Variants in CYP2W1 observed in about 807,000 individuals in gnomAD.
The protein encoded by CYP2W1 is cytochrome P450 family 2 subfamily W member 1.
Under a neutral mutation model 44.9 loss-of-function variants are expected in CYP2W1, and 51 were observed. That is an observed-to-expected ratio of 1.14 (90% confidence interval 0.91 to 1.43). The LOEUF (loss-of-function observed/expected upper bound fraction) is 1.43. Ranked by LOEUF, CYP2W1 falls within the 40% of genes most tolerant of loss-of-function variation. The pLI, the probability that CYP2W1 is intolerant of heterozygous loss-of-function variation, is 0.00. For synonymous variants in CYP2W1, 383 were observed against 338.3 expected, an observed-to-expected ratio of 1.13 and a Z score of -1.45; for missense variants, 746 against 700.0, an observed-to-expected ratio of 1.07 and a Z score of -0.74.
chr7:986,382 T>G, intron 4 of CYP2W1: 1 of 566,170 alleles, frequency 1.8e-6, no homozygotes, highest in Non-Finnish European at 3.2e-6. Flanking sequence ...CTCTCCAGGA[T>G]GGAAGGAGGT....
chr7:988,256 G>A, intron 7 of CYP2W1, 21 bp from the exon 8 acceptor site: 1 of 1,561,002 alleles, frequency 6.4e-7, no homozygotes, highest in South Asian at 1.2e-5. Context: ...CCCTCTCTCT[G>A]TGCCCCGGCT....
At position 984,421 on chromosome 7, in the gene CYP2W1, C is replaced by T. The variant is rs1050340285; in HGVS notation, c.184C>T (p.Arg62Cys). The T allele has an allele frequency of 4.5e-5, 69 of 1,547,782 alleles. No homozygotes were observed. The highest frequency in any genetic ancestry group is 5.6e-5 in the Non-Finnish European group (64 of 1,146,794). ...CCGCCATCCCTGCCAGCTCTCAGAA[C>T]GCTACGGGCCGGTGTTCACCGTGCA... The part of the protein sequence containing the change: ...QDRSLMELSE[R>C]YGPVFTVHLG... The change falls in exon 2 of 9, where the codon CGC becomes TGC. Residue 62 changes from arginine to cysteine, a missense_variant. Physicochemically the swap from Arg to Cys is radical, Grantham distance 180. Transcript: ENST00000308919.
Position 987,166 on chromosome 7 carries a change from G to T in CYP2W1, c.879G>T (p.Met293Ile). The T allele has an allele frequency of 6.4e-7, 1 of 1,571,274 alleles. No homozygotes were observed. The highest frequency in any genetic ancestry group is 8.6e-7 in the Non-Finnish European group (1 of 1,158,980). Residue 293 changes from methionine (M) to isoleucine (I), a missense_variant, in exon 6 of 9, where the codon ATG (methionine) becomes ATT (isoleucine). Physicochemically the swap from Met to Ile is conservative, Grantham distance 10 (BLOSUM62 1). Transcript: ENST00000308919. Reference protein sequence around the residue: ...EANAVACTLDMVMAGTETTSA... With the variant: ...EANAVACTLDIVMAGTETTSA... ...ACGCGGTGGCCTGCACCCTGGACATGGTCATGGCCGGGACGGAGACGACCT... is the reference window on the plus strand; with the variant it reads ...ACGCGGTGGCCTGCACCCTGGACATTGTCATGGCCGGGACGGAGACGACCT...
In CYP2W1 at chr7:985,234, C is replaced by G; in HGVS notation, c.556C>G (p.Arg186Gly). Residue 186 changes from arginine (R) to glycine (G), a missense_variant, in exon 4 of 9, where the codon CGC becomes GGC. Transcript: ENST00000308919. ...SNITFALLFG[R>G]RFDYRDPVFV... ...TATCACCTTCGCGCTCCTCTTCGGCCGCCGATTTGACTACCGGGACCCCGT... is the reference window on the plus strand; with the variant it reads ...TATCACCTTCGCGCTCCTCTTCGGCGGCCGATTTGACTACCGGGACCCCGT... 6.4e-7 allele frequency: 1 copy of G among 1,553,128 alleles called. No individual in the cohort carries two copies. Among genetic ancestry groups the G allele is most frequent in the Non-Finnish European group, 8.7e-7 (1 of 1,148,178 alleles).
Position 989,186 on chromosome 7 carries a change from T to C in CYP2W1, c.*364T>C. On this transcript the variant is annotated 3_prime_UTR_variant, in exon 9 of 9. Coordinates refer to ENST00000308919, the MANE Select transcript of CYP2W1 (RefSeq NM_017781.3). ...TGCAGGGAGACAACGGGTGGCTGCATCCAGCCAGAGACAGGCGCAGGTGGG... is the reference window on the plus strand; with the variant it reads ...TGCAGGGAGACAACGGGTGGCTGCACCCAGCCAGAGACAGGCGCAGGTGGG... 3.6e-6 allele frequency: 1 copy of C among 274,506 alleles called. No homozygotes were observed. The highest frequency in any genetic ancestry group is 6.9e-6 in the Non-Finnish European group (1 of 145,312). The allele number at this position is 274,506 out of a possible 1,614,324, so 17.0% of individuals were successfully genotyped here. A position where few individuals can be genotyped will look rare whatever the true frequency, so the allele number is the denominator to read the frequency against.
At chr7:984,705 C>T (rs981505541) in intron 2 of CYP2W1, 131 bp downstream of exon 2, 67 of 1,338,898 alleles carry the variant, frequency 5.0e-5, no homozygotes, top group Non-Finnish European at 6.4e-5. Context: ...GCTGGGCCTC[C>T]GGGCTGGTGC....
At chr7:983,445 C>A (rs186053946) in intron 1 of CYP2W1, 60 bp downstream of exon 1, 3 of 1,362,162 alleles carry the variant, frequency 2.2e-6, no homozygotes, top group South Asian at 3.4e-5. Context: ...CCTGGCCCCC[C>A]TCCTGGGGAA....
In CYP2W1 at chr7:988,381, C is replaced by T; in HGVS notation, c.1248C>T (p.His416=). 6.2e-7 allele frequency: 1 copy of T among 1,612,718 alleles called. No homozygotes were observed. Among genetic ancestry groups the T allele is most frequent in the Non-Finnish European group, 8.5e-7 (1 of 1,179,844 alleles). The change falls in exon 8 of 9, where the codon CAC becomes CAT. Residue 416 remains histidine (H), a synonymous_variant. Transcript: ENST00000308919. ...NPGHFLDANG[H]FVKREAFLPF... ...GCCATTTCCTGGACGCGAATGGGCA[C>T]TTTGTGAAGCGGGAGGCCTTCCTGC...
chr7:987,444 C>T lies in CYP2W1; in HGVS notation c.1056C>T (p.His352=), dbSNP rs761132341. Residue 352 remains histidine (H), a synonymous_variant, in exon 7 of 9, where the codon CAC becomes CAT. Coordinates refer to ENST00000308919, the MANE Select transcript of CYP2W1 (RefSeq NM_017781.3). ...TGCCCTACACAAGCGCCGTGCTCCA[C>T]GAGGTGCAGCGGTTCATCACGCTCC... The part of the protein sequence containing the change: ...QALPYTSAVL[H]EVQRFITLLP... 76 of 1,584,174 alleles carry T rather than the reference C, an allele frequency of 4.8e-5. No homozygotes were observed. The highest frequency in any genetic ancestry group is 9.4e-5 in the African/African-American group (7 of 74,670).
chr7:989,130 C>T lies in CYP2W1; in HGVS notation c.*308C>T. On this transcript the variant is annotated 3_prime_UTR_variant, in exon 9 of 9. Coordinates refer to ENST00000308919, the MANE Select transcript of CYP2W1 (RefSeq NM_017781.3). ...CTGCACTCCCACCCACCTAGCTCCC[C>T]CCAGGGCCCCCCAGCACCTACAGCT... is the stretch of plus-strand genomic sequence containing the variant. The T allele has an allele frequency of 2.5e-6, 1 of 393,388 alleles. No homozygotes were observed. Among genetic ancestry groups the T allele is most frequent in the East Asian group, 3.8e-5 (1 of 26,608 alleles). 24.4% of individuals were successfully genotyped at this position (393,388 alleles called of 1,614,324 possible). A position where few individuals can be genotyped will look rare whatever the true frequency, so the allele number is the denominator to read the frequency against.
chr7:988,957 A>G lies in CYP2W1; in HGVS notation c.*135A>G. On this transcript the variant is annotated 3_prime_UTR_variant, in exon 9 of 9. Transcript: ENST00000308919. ...GACTCCCACCCTCACCCCCACCCCC[A>G]CAGGGTCAGCAACTGCTTCCGGTTA... 3.6e-6 allele frequency: 2 copies of G among 554,776 alleles called. No homozygotes were observed. Among genetic ancestry groups the G allele is most frequent in the East Asian group, 3.0e-5 (1 of 33,800 alleles). 34.4% of individuals were successfully genotyped at this position (554,776 alleles called of 1,614,324 possible).
chr7:983,867 G>C (rs1366253016), intron 1 of CYP2W1, among the ~76,000 whole-genome samples: 3 of 152,342 alleles, frequency 2.0e-5, no homozygotes, highest in African/African-American at 7.2e-5. Flanking sequence ...CAGAGGGTAC[G>C]GGGACACGGC....
intron 4 of CYP2W1, among the ~76,000 whole-genome samples, chr7:985,862 G>A (rs566754630): frequency 2.6e-5 from 4 of 152,224 alleles, no homozygotes; most frequent in Non-Finnish European, 4.4e-5. Context: ...CAGAGACCAC[G>A]GGTCCTAGTC....
chr7:985,468 C>A, intron 4 of CYP2W1, 145 bp downstream of exon 4: 3 of 954,080 alleles, frequency 3.1e-6, no homozygotes, highest in Non-Finnish European at 4.6e-6. Flanking sequence ...GGGCCTGAAT[C>A]AGGACCCATC....
intron 4 of CYP2W1, 44 bp from the exon 5 acceptor site, chr7:986,574 GCAGCCC>G (rs760780465): frequency 6.3e-7 from 1 of 1,599,612 alleles, no homozygotes; most frequent in Non-Finnish European, 8.5e-7. Flanking sequence ...TGCCCAGCGT[GCAGCCC>G]TGGGGCTGCG....
chr7:989,504 G>C lies in CYP2W1; in HGVS notation c.*682G>C, dbSNP rs539790552. 6.5e-6 allele frequency: 1 copy of C among 153,446 alleles called. No homozygotes were observed. Among genetic ancestry groups the C allele is most frequent in the East Asian group, 1.9e-4 (1 of 5,208 alleles). The allele number at this position is 153,446 out of a possible 1,614,324, so 9.5% of individuals were successfully genotyped here. A position where few individuals can be genotyped will look rare whatever the true frequency, so the allele number is the denominator to read the frequency against. ...GTGGCAAAAATGGAAACACTGACCC[G>C]GTGCGGTGGCTCATGCCTGTAATCC... On this transcript the variant is annotated 3_prime_UTR_variant, in exon 9 of 9. Coordinates refer to ENST00000308919, the MANE Select transcript of CYP2W1 (RefSeq NM_017781.3).
intron 6 of CYP2W1, 42 bp from the exon 7 acceptor site, chr7:987,305 A>T: frequency 6.5e-7 from 1 of 1,529,788 alleles, no homozygotes; most frequent in Non-Finnish European, 8.8e-7. Flanking sequence ...CCCAGGGACG[A>T]GGGATGGCGC....
chr7:988,856 T>A lies in CYP2W1; in HGVS notation c.*34T>A. 1 of 1,289,968 alleles carries A rather than the reference T, an allele frequency of 7.8e-7. No homozygotes were observed. The allele number at this position is 1,289,968 out of a possible 1,614,324, so 79.9% of individuals were successfully genotyped here. On this transcript the variant is annotated 3_prime_UTR_variant, in exon 9 of 9. Transcript: ENST00000308919. ...CCAGCCCCCAGGTCCTCCTGACCAC[T>A]CCCCTCCCAGCCCTGGGTCCTCCCA...
Position 983,392 on chromosome 7 carries a change from C to T in CYP2W1, c.174+7C>T. 2.0e-6 allele frequency: 3 copies of T among 1,498,074 alleles called. No individual in the cohort carries two copies. The highest frequency in any genetic ancestry group is 2.7e-6 in the Non-Finnish European group (3 of 1,120,028). 92.8% of individuals were successfully genotyped at this position (1,498,074 alleles called of 1,614,324 possible). On this transcript the variant is annotated splice_region_variant and intron_variant, in intron 1 of 8. Coordinates refer to ENST00000308919, the MANE Select transcript of CYP2W1 (RefSeq NM_017781.3). ...GGACCGGTCCCTGATGGAGGTAAGT[C>T]AGGGAGCCCGGGCAGCTCTTGCCGC...
Sources: allele counts gnomAD v4.1 joint callset (sites outside exome capture counted in the v4.1 genomes callset), GRCh38; gene constraint gnomAD v4.1.1; transcripts MANE v1.5; gene names NCBI Gene and HGNC (gene_info 2026-07-23, HGNC 2026-07-21).